Variants in SLC9A9 observed in about 807,000 individuals in gnomAD.
SLC9A9 encodes the protein sodium/hydrogen exchanger 9.
A neutral mutation model predicts 77.8 loss-of-function variants in SLC9A9; 62 were observed. The ratio of observed to expected loss-of-function variants is 0.80; its 90% confidence interval spans 0.65 to 0.98. SLC9A9 has a LOEUF of 0.98. Among genes scored for constraint, SLC9A9 ranks in the 50% least tolerant of loss-of-function variants. The pLI is 0.00. For synonymous variants in SLC9A9, 320 were observed against 283.5 expected (o/e 1.13, Z -1.29); for missense variants, 775 against 774.9 (o/e 1.00, Z 0.00).
chr3:143,316,014 C>T (rs968272788), intron 14 of SLC9A9, among the ~76,000 whole-genome samples: 7 of 152,172 alleles, frequency 4.6e-5, no homozygotes, highest in African/African-American at 1.7e-4. Context: ...CTATAAGGTT[C>T]TGTGATAATG....
At chr3:143,332,450 T>C (rs989290666) in intron 14 of SLC9A9, among the ~76,000 whole-genome samples, 1 of 152,212 alleles carries the variant, frequency 6.6e-6, no homozygotes, top group Non-Finnish European at 1.5e-5. Context: ...GGGAAGACCA[T>C]TTGAACCGGT....
intron 14 of SLC9A9, among the ~76,000 whole-genome samples, chr3:143,309,580 G>A (rs893114544): frequency 6.6e-6 from 1 of 152,146 alleles, no homozygotes; most frequent in African/African-American, 2.4e-5. Context: ...CTAGTTGAGT[G>A]TAGGATTTCC....
intron 3 of SLC9A9, 78 bp from the exon 4 acceptor site, chr3:143,795,155 G>A (rs1306281317): frequency 4.5e-6 from 6 of 1,344,200 alleles, no homozygotes; most frequent in Non-Finnish European, 6.2e-6. Flanking sequence ...ATAAATGTAT[G>A]CAGTTCACAG....
At chr3:143,413,400 AAAG>A (rs2034133920) in intron 12 of SLC9A9, among the ~76,000 whole-genome samples, 2 of 152,166 alleles carry the variant, frequency 1.3e-5, no homozygotes, top group South Asian at 4.1e-4. Flanking sequence ...TTGCCGTTTC[AAAG>A]GTGGCTCATT....
intron 12 of SLC9A9, among the ~76,000 whole-genome samples, chr3:143,394,230 G>C (rs200380394): frequency 1.3e-5 from 2 of 151,926 alleles, no homozygotes; most frequent in African/African-American, 4.8e-5. Flanking sequence ...TGAATCCAGC[G>C]GCACATCAAA....
intron 13 of SLC9A9, 28 bp from the exon 14 acceptor site, chr3:143,363,591 T>C: frequency 6.3e-7 from 1 of 1,582,358 alleles, no homozygotes; most frequent in Non-Finnish European, 8.7e-7. Context: ...AAAAAGGCAT[T>C]GGGTAAATAG....
intron 5 of SLC9A9, among the ~76,000 whole-genome samples, chr3:143,662,396 G>A (rs987702237): frequency 1.1e-4 from 17 of 152,354 alleles, no homozygotes; most frequent in South Asian, 4.1e-4. Context: ...CGATGCAGAA[G>A]ACAGGTGATT....
chr3:143,278,924 A>G (rs1220330963), intron 14 of SLC9A9, among the ~76,000 whole-genome samples: 2 of 152,190 alleles, frequency 1.3e-5, no homozygotes, highest in African/African-American at 4.8e-5. Flanking sequence ...AAGTAGGCAA[A>G]CTTCCTGAGC....
At chr3:143,501,206 CAT>C (rs528672221) in intron 9 of SLC9A9, among the ~76,000 whole-genome samples, 6 of 150,500 alleles carry the variant, frequency 4.0e-5, no homozygotes, top group African/African-American at 2.5e-5. Flanking sequence ...TAGTATAATA[CAT>C]TCATGTAACA....
intron 9 of SLC9A9, among the ~76,000 whole-genome samples, chr3:143,520,770 C>G (rs1216094389): frequency 6.6e-6 from 1 of 152,158 alleles, no homozygotes; most frequent in East Asian, 1.9e-4. Flanking sequence ...TAACCTTGTA[C>G]TGTATATTTC....
intron 14 of SLC9A9, among the ~76,000 whole-genome samples, chr3:143,314,031 G>A (rs1313225337): frequency 6.6e-6 from 1 of 152,146 alleles, no homozygotes; most frequent in Admixed American, 6.6e-5. Flanking sequence ...ACCCTCCTCT[G>A]GGCTCCCACT....
intron 12 of SLC9A9, among the ~76,000 whole-genome samples, chr3:143,386,785 A>C (rs898164929): frequency 6.6e-6 from 1 of 152,142 alleles, no homozygotes; most frequent in Admixed American, 6.5e-5. Context: ...TCTCATAGCA[A>C]AACATTATTT....
At chr3:143,401,275 C>T (rs1298856698) in intron 12 of SLC9A9, among the ~76,000 whole-genome samples, 2 of 152,148 alleles carry the variant, frequency 1.3e-5, no homozygotes, top group East Asian at 1.9e-4. Flanking sequence ...ATCTACCCCA[C>T]CCAGCTACCC....
intron 12 of SLC9A9, among the ~76,000 whole-genome samples, chr3:143,383,984 T>A (rs1383618134): frequency 6.6e-6 from 1 of 152,220 alleles, no homozygotes; most frequent in East Asian, 1.9e-4. Flanking sequence ...GCCCCATCTC[T>A]CTAACCAAGG....
At chr3:143,605,337 C>T (rs1341036779) in intron 6 of SLC9A9, among the ~76,000 whole-genome samples, 2 of 152,160 alleles carry the variant, frequency 1.3e-5, no homozygotes, top group African/African-American at 4.8e-5. Flanking sequence ...AAGTTGCCAA[C>T]TCAGGTGCCT....
intron 4 of SLC9A9, among the ~76,000 whole-genome samples, chr3:143,707,596 T>A (rs766269915): frequency 1.1e-4 from 16 of 152,224 alleles, no homozygotes; most frequent in Non-Finnish European, 2.1e-4. Flanking sequence ...AAAATGTCTC[T>A]GACAGAATAT....
chr3:143,565,970 A>G (rs904286489), intron 8 of SLC9A9, among the ~76,000 whole-genome samples: 1 of 152,128 alleles, frequency 6.6e-6, no homozygotes, highest in African/African-American at 2.4e-5. Context: ...CATGCAGTGC[A>G]TCAGTGGCAA....
At chr3:143,822,625 G>C (rs4839611) in intron 2 of SLC9A9, among the ~76,000 whole-genome samples, 84,696 of 152,106 alleles carry the variant, frequency 0.56, 26,392 homozygotes, top group Non-Finnish European at 0.69. Context: ...GACCTCAGGA[G>C]AGAACAGGGA....
intron 12 of SLC9A9, among the ~76,000 whole-genome samples, chr3:143,387,868 C>A (rs2033464298): frequency 6.6e-6 from 1 of 152,064 alleles, no homozygotes; most frequent in African/African-American, 2.4e-5. Context: ...TCCGCTAAAG[C>A]CAACAACTTC....
Sources: gnomAD v4.1 joint callset for allele counts (sites outside exome capture counted in the v4.1 genomes callset) on GRCh38, gnomAD v4.1.1 for gene constraint, MANE v1.5 for transcripts, NCBI Gene and HGNC (gene_info 2026-07-23, HGNC 2026-07-21) for gene names.